CDK8: variants seen among roughly 807,000 people sequenced by gnomAD.
CDK8 encodes the protein cyclin-dependent kinase 8.
Under a neutral mutation model 71.5 loss-of-function variants are expected in CDK8, and 29 were observed. The ratio of observed to expected loss-of-function variants is 0.41; its 90% CI spans 0.30 to 0.55. The LOEUF is 0.55. Ranked by LOEUF, CDK8 falls within the 20% of genes least tolerant of loss-of-function variation. The probability of loss-of-function intolerance (pLI) is 0.37; values close to 1 mark genes in which losing one functional copy is unlikely to be tolerated. For synonymous variants in CDK8, 161 were observed against 192.1 expected, an observed-to-expected ratio of 0.84 and a Z score of 1.34; for missense variants, 288 against 572.6, an observed-to-expected ratio of 0.50 and a Z score of 5.07.
intron 4 of CDK8, among the ~76,000 whole-genome samples, chr13:26,369,092 C>A (rs1874528338): frequency 6.6e-6 from 1 of 151,918 alleles, no homozygotes; most frequent in Admixed American, 6.6e-5. Flanking sequence ...CGCTTTTAGT[C>A]TCTGGAATAG....
At chr13:26,274,636 T>C (rs904647259) in intron 1 of CDK8, among the ~76,000 whole-genome samples, 1 of 152,104 alleles carries the variant, frequency 6.6e-6, no homozygotes, top group African/African-American at 2.4e-5. Flanking sequence ...TTTCACGATG[T>C]TAGCCAGGAT....
chr13:26,263,377 C>T lies in CDK8; in HGVS notation c.128+8608C>T, dbSNP rs187178538. On this transcript the variant is annotated intron_variant, in intron 1 of 12. Transcript: ENST00000381527. ...GTCTCGATCTCCTGGCCTCGTGATCCGCCTGCCTCAGCCTCCCAAGTGCTG... is the reference window on the plus strand; with the variant it reads ...GTCTCGATCTCCTGGCCTCGTGATCTGCCTGCCTCAGCCTCCCAAGTGCTG... Among the ~76,000 whole-genome samples the T allele has an allele frequency of 6.4e-3, 972 of 152,298 alleles. 12 individuals are homozygous for T. The highest frequency in any genetic ancestry group is 0.021 in the African/African-American group (871 of 41,562).
chr13:26,317,134 C>G (rs1233382442), intron 1 of CDK8, among the ~76,000 whole-genome samples: 2 of 152,066 alleles, frequency 1.3e-5, no homozygotes, highest in African/African-American at 4.8e-5. Context: ...GACCAACGTA[C>G]GCATTGTGGG....
chr13:26,365,356 A>G (rs972942054), intron 4 of CDK8, among the ~76,000 whole-genome samples: 4 of 152,150 alleles, frequency 2.6e-5, no homozygotes, highest in Admixed American at 1.3e-4. Context: ...GGTACATGCC[A>G]CATTTGCTTA....
At chr13:26,365,527 T>A (rs1318414043) in intron 4 of CDK8, among the ~76,000 whole-genome samples, 1 of 152,158 alleles carries the variant, frequency 6.6e-6, no homozygotes, top group Non-Finnish European at 1.5e-5. Flanking sequence ...TGCATATTAC[T>A]TAGACATCTC....
intron 1 of CDK8, among the ~76,000 whole-genome samples, chr13:26,285,695 T>G (rs1872979520): frequency 1.3e-5 from 2 of 152,054 alleles, no homozygotes; most frequent in Non-Finnish European, 2.9e-5. Flanking sequence ...AAAGACAAAG[T>G]CAAACTGTCA....
intron 4 of CDK8, among the ~76,000 whole-genome samples, chr13:26,362,710 C>G (rs997286232): frequency 6.6e-6 from 1 of 152,070 alleles, no homozygotes; most frequent in East Asian, 1.9e-4. Context: ...ACACCTTCAC[C>G]GAAATACCCA....
Position 26,279,152 on chromosome 13 carries a change from G to T in CDK8, c.128+24383G>T, listed in dbSNP as rs185371954. ...ATCTCGATAGTAAAAAAGGTAGGGT[G>T]GGGGTGGTTCTTTACAGAAGGATGC... On this transcript the variant is annotated intron_variant, in intron 1 of 12. Transcript: ENST00000381527. Among the ~76,000 whole-genome samples, 8 of 152,190 alleles carry T rather than the reference G, an allele frequency of 5.3e-5. No homozygotes were observed. The East Asian group carries it at 1.5e-3, about 29-fold the overall frequency.
chr13:26,344,671 G>A (rs902811966), intron 2 of CDK8, among the ~76,000 whole-genome samples: 3 of 151,928 alleles, frequency 2.0e-5, no homozygotes, highest in Non-Finnish European at 4.4e-5. Context: ...AGAATTGCTT[G>A]AATCTGGGAG....
At chr13:26,385,862 T>C (rs1236760282) in intron 6 of CDK8, among the ~76,000 whole-genome samples, 5 of 152,178 alleles carry the variant, frequency 3.3e-5, no homozygotes, top group Admixed American at 1.3e-4. Flanking sequence ...TAGAAAGATA[T>C]CAAAAATCTT....
rs922419346 is a variant in CDK8 at position 26,329,254 on chromosome 13, G to A, written c.129-8313G>A. Among the ~76,000 whole-genome samples the A allele has an allele frequency of 2.6e-5, 4 of 151,830 alleles. No individual in the cohort carries two copies. The South Asian group carries it at 8.3e-4, about 32-fold the overall frequency. Reference sequence around the variant, plus strand: ...CTCAGTTTTTTAACCAATCCTTTGCGGCCATTTTATATTTTCATCTTACTC... The same window carrying A: ...CTCAGTTTTTTAACCAATCCTTTGCAGCCATTTTATATTTTCATCTTACTC... On this transcript the variant is annotated intron_variant, in intron 1 of 12. Transcript: ENST00000381527.
intron 2 of CDK8, among the ~76,000 whole-genome samples, chr13:26,347,421 T>C (rs2137989074): frequency 6.6e-6 from 1 of 152,330 alleles, no homozygotes; most frequent in Middle Eastern, 3.4e-3. Flanking sequence ...AAATATTCTT[T>C]GATATTTTCT....
intron 2 of CDK8, among the ~76,000 whole-genome samples, chr13:26,346,811 T>C (rs1243029054): frequency 6.6e-6 from 1 of 152,266 alleles, no homozygotes; most frequent in Non-Finnish European, 1.5e-5. Context: ...CACCAGAGAA[T>C]AATCTTTAAT....
chr13:26,339,908 CT>C lies in CDK8; in HGVS notation c.204+2273del, dbSNP rs1476837295. Among the ~76,000 whole-genome samples, 15 of 151,146 alleles carry C rather than the reference CT, an allele frequency of 9.9e-5. No individual in the cohort carries two copies. In the East Asian group the frequency reaches 1.2e-3, roughly 12 times the overall value. On this transcript the variant is annotated intron_variant, in intron 2 of 12. Transcript: ENST00000381527. ...TTTTCCATATTTCTGCTTTTATTTC[CT>C]TTTTTTCTTTACCGAGCTGGTTAGG... is the stretch of plus-strand genomic sequence containing the variant.
intron 4 of CDK8, among the ~76,000 whole-genome samples, chr13:26,378,305 C>G (rs1342417676): frequency 1.3e-5 from 2 of 152,096 alleles, no homozygotes; most frequent in African/African-American, 2.4e-5. Context: ...TGGTGTATGC[C>G]AAAATCATTG....
rs142193569 is a variant in CDK8 at position 26,399,354 on chromosome 13, A to G, written c.934-1099A>G. On this transcript the variant is annotated intron_variant, in intron 9 of 12. Coordinates refer to ENST00000381527, the MANE Select transcript of CDK8 (RefSeq NM_001260.3). ...TGTCTGTTAGTTCATTGGTTTTCAA[A>G]ATGCAGTCTCAGTCCAGCAGCATGG... Among the ~76,000 whole-genome samples, 669 of 152,220 alleles carry G rather than the reference A, an allele frequency of 4.4e-3. 5 individuals carry two copies. Among genetic ancestry groups the G allele is most frequent in the African/African-American group, 0.015 (631 of 41,540 alleles).
At chr13:26,380,783 A>G (rs1366014770) in intron 4 of CDK8, among the ~76,000 whole-genome samples, 1 of 152,190 alleles carries the variant, frequency 6.6e-6, no homozygotes, top group Non-Finnish European at 1.5e-5. Flanking sequence ...ACCCAACCAA[A>G]ATAACATTTT....
intron 4 of CDK8, among the ~76,000 whole-genome samples, chr13:26,380,488 G>A (rs975119855): frequency 1.3e-5 from 2 of 151,752 alleles, no homozygotes; most frequent in Admixed American, 6.6e-5. Flanking sequence ...GCCTTTTTTT[G>A]TATTTGTTTT....
chr13:26,401,333 G>T lies in CDK8; in HGVS notation c.1096G>T (p.Asp366Tyr). The T allele has an allele frequency of 1.2e-6, 2 of 1,613,990 alleles. No homozygotes were observed. The highest frequency in any genetic ancestry group is 2.2e-5 in the South Asian group (2 of 91,052). The change falls in exon 11 of 13, where the codon GAC becomes TAC. Residue 366 changes from aspartate (D) to tyrosine (Y), a missense_variant. This residue lies in a region of CDK8 where 96 missense variants were observed against 229.8 expected (regional missense o/e 0.42). Transcript: ENST00000381527. This position sits in a 1 kb window ranked among gnomAD's most constrained non-coding sequence, Gnocchi z 4.5. ...ATTTTTAACGGAAGAAGAACCTGAT[G>T]ACAAAGGAGACAAAGTAAGTATTAA... ...REFLTEEEPD[D>Y]KGDKKNQQQQ...
Sources: allele counts gnomAD v4.1 joint callset (sites outside exome capture counted in the v4.1 genomes callset), GRCh38; gene constraint gnomAD v4.1.1; regional missense constraint gnomAD v4.1.1; non-coding constraint Gnocchi (gnomAD v3.1); transcripts MANE v1.5; gene names NCBI Gene and HGNC (gene_info 2026-07-23, HGNC 2026-07-21).